The following TBC1D22A variants were observed in gnomAD, a reference collection of about 807,000 sequenced individuals.
TBC1D22A encodes TBC1 domain family member 22A, also known as putative GTPase activator.
In TBC1D22A, 38 loss-of-function variants were observed where a neutral mutation model predicts 60.2. That is an observed-to-expected ratio of 0.63 (90% confidence interval 0.49 to 0.83). TBC1D22A has a LOEUF of 0.83. Among genes scored for constraint, TBC1D22A ranks in the 40% least tolerant of loss-of-function variants. TBC1D22A has a pLI of 0.00. For missense variants in TBC1D22A, 628 were observed against 701.0 expected (o/e 0.90, Z 1.18); for synonymous variants, 302 against 281.7 (o/e 1.07, Z -0.72).
intron 10 of TBC1D22A, among the ~76,000 whole-genome samples, chr22:47,031,514 G>A (rs988206583): frequency 6.6e-6 from 1 of 152,228 alleles, no homozygotes; most frequent in Admixed American, 6.5e-5. Flanking sequence ...CCTTGTGACC[G>A]GGTGCTCTTG....
At chr22:47,004,008 C>T (rs111213407) in intron 10 of TBC1D22A, among the ~76,000 whole-genome samples, 4,354 of 146,192 alleles carry the variant, frequency 0.03, 101 homozygotes, top group South Asian at 0.09. Flanking sequence ...ACACACCCTA[C>T]GCACGCATGC....
At chr22:46,782,066 T>A (rs1006329598) in intron 1 of TBC1D22A, among the ~76,000 whole-genome samples, 1 of 152,196 alleles carries the variant, frequency 6.6e-6, no homozygotes, top group Non-Finnish European at 1.5e-5. Context: ...TTCTTCTTAT[T>A]ATTATTGAGA....
intron 1 of TBC1D22A, among the ~76,000 whole-genome samples, chr22:46,769,745 CA>C (rs2083424360): frequency 6.6e-6 from 1 of 152,066 alleles, no homozygotes; most frequent in African/African-American, 2.4e-5. Flanking sequence ...GGGTTTTAAA[CA>C]GGGAGGGGTG....
intron 11 of TBC1D22A, among the ~76,000 whole-genome samples, chr22:47,086,312 G>A (rs192884548): frequency 2.0e-5 from 3 of 152,236 alleles, no homozygotes; most frequent in Non-Finnish European, 4.4e-5. Context: ...AAAATTAGCC[G>A]GGCGTGGTGG....
At chr22:46,839,351 A>G (rs1255134336) in intron 4 of TBC1D22A, among the ~76,000 whole-genome samples, 1 of 148,862 alleles carries the variant, frequency 6.7e-6, no homozygotes, top group Non-Finnish European at 1.5e-5. Context: ...TCTGTCACCC[A>G]GGCTGGAGTG....
At chr22:47,046,526 G>A (rs131906) in intron 11 of TBC1D22A, among the ~76,000 whole-genome samples, 105,302 of 152,122 alleles carry the variant, frequency 0.69, 37,039 homozygotes, top group East Asian at 0.92. Context: ...ACCTGGCCCT[G>A]TGAAGGTGTG....
At chr22:46,856,623 C>G (rs2087583485) in intron 4 of TBC1D22A, among the ~76,000 whole-genome samples, 1 of 152,136 alleles carries the variant, frequency 6.6e-6, no homozygotes, top group African/African-American at 2.4e-5. Flanking sequence ...GATTAGGGCT[C>G]TCTTTCAAGA....
At chr22:47,162,178 C>G in intron 12 of TBC1D22A, among the ~76,000 whole-genome samples, 1 of 150,306 alleles carries the variant, frequency 6.7e-6, no homozygotes, top group Non-Finnish European at 1.5e-5. Flanking sequence ...TGAGAGCTAC[C>G]GGGTGTTAGT....
intron 12 of TBC1D22A, among the ~76,000 whole-genome samples, chr22:47,131,865 C>T (rs543975037): frequency 3.7e-4 from 56 of 152,334 alleles, no homozygotes; most frequent in African/African-American, 1.1e-3. Flanking sequence ...GCGCCCGCCC[C>T]GTCCAAGCCC....
At chr22:47,135,683 C>G (rs919594732) in intron 12 of TBC1D22A, among the ~76,000 whole-genome samples, 1 of 152,240 alleles carries the variant, frequency 6.6e-6, no homozygotes, top group Non-Finnish European at 1.5e-5. Context: ...ACTTCGGCTT[C>G]TAAATCGCCC....
intron 4 of TBC1D22A, among the ~76,000 whole-genome samples, chr22:46,866,036 T>C (rs2067036332): frequency 6.6e-6 from 1 of 152,170 alleles, no homozygotes; most frequent in African/African-American, 2.4e-5. Flanking sequence ...CCGAAATTGA[T>C]GAATAGAAGT....
intron 10 of TBC1D22A, among the ~76,000 whole-genome samples, chr22:47,029,488 C>A (rs2062386106): frequency 1.4e-5 from 2 of 142,898 alleles, no homozygotes; most frequent in African/African-American, 5.4e-5. Context: ...CAGTGCCCAA[C>A]CTCCCTCCTC....
intron 10 of TBC1D22A, among the ~76,000 whole-genome samples, chr22:47,006,746 T>A (rs961697128): frequency 6.6e-6 from 1 of 152,228 alleles, no homozygotes; most frequent in Non-Finnish European, 1.5e-5. Flanking sequence ...CAGCCAGGAC[T>A]CTCAGGCCTC....
chr22:47,032,841 G>T (rs986651165), intron 10 of TBC1D22A, among the ~76,000 whole-genome samples: 1 of 152,228 alleles, frequency 6.6e-6, no homozygotes, highest in African/African-American at 2.4e-5. Context: ...TGTGGGCTGG[G>T]AGTGGCCAGT....
Position 46,795,374 on chromosome 22 carries a change from C to T in TBC1D22A, c.460+1533C>T, listed in dbSNP as rs142560189. 4.7e-4 allele frequency among the ~76,000 whole-genome samples: 71 copies of T among 152,310 alleles called. 1 individual carries two copies. The highest frequency in any genetic ancestry group is 7.9e-4 in the Non-Finnish European group (54 of 68,024). On this transcript the variant is annotated intron_variant, in intron 3 of 12. Coordinates refer to ENST00000337137, the MANE Select transcript of TBC1D22A (RefSeq NM_014346.5). The stretch of plus-strand genomic sequence containing the variant: ...CTGTCAGGCTGAGAGTGGCCAGGAC[C>T]GCAGGACCACACGGTGTGTGGCTGG...
At chr22:46,907,208 C>T (rs1247060303) in intron 7 of TBC1D22A, among the ~76,000 whole-genome samples, 2 of 152,176 alleles carry the variant, frequency 1.3e-5, no homozygotes, top group Non-Finnish European at 2.9e-5. Flanking sequence ...CTCCTCTCCT[C>T]CTCCCTCCTC....
At chr22:47,133,871 A>G (rs1053134136) in intron 12 of TBC1D22A, among the ~76,000 whole-genome samples, 1 of 152,168 alleles carries the variant, frequency 6.6e-6, no homozygotes, top group Non-Finnish European at 1.5e-5. Flanking sequence ...AGCTCCAAAC[A>G]TCCTTCCGTG....
At chr22:47,090,328 G>GTCCC (rs879921571) in intron 11 of TBC1D22A, among the ~76,000 whole-genome samples, 11,235 of 152,284 alleles carry the variant, frequency 0.074, 453 homozygotes, top group Admixed American at 0.14. Context: ...CCAGCCCAGG[G>GTCCC]AGCGCTCAGA....
chr22:46,837,752 A>G (rs2086583564), intron 4 of TBC1D22A, among the ~76,000 whole-genome samples: 1 of 152,232 alleles, frequency 6.6e-6, no homozygotes, highest in Admixed American at 6.5e-5. Context: ...GTTTATAGTG[A>G]TAAGTGCCTT....
Sources: allele counts gnomAD v4.1 joint callset (sites outside exome capture counted in the v4.1 genomes callset), GRCh38; gene constraint gnomAD v4.1.1; transcripts MANE v1.5; gene names NCBI Gene and HGNC (gene_info 2026-07-23, HGNC 2026-07-21).